Variants in PID1 observed in about 807,000 individuals in gnomAD.
The protein encoded by PID1 is PTB-containing, cubilin and LRP1-interacting protein.
PID1 carries 10 observed loss-of-function variants against 19.1 expected under a neutral mutation model. The ratio of observed to expected loss-of-function variants is 0.52; its 90% CI spans 0.32 to 0.89. The LOEUF (loss-of-function observed/expected upper bound fraction) is 0.89. Among genes scored for constraint, PID1 ranks in the 40% least tolerant of loss-of-function variants. PID1 has a pLI of 0.03. For missense variants in PID1, 248 were observed against 285.3 expected, an observed-to-expected ratio of 0.87 and a Z score of 0.94; for synonymous variants, 130 against 116.0, an observed-to-expected ratio of 1.12 and a Z score of -0.78.
intron 2 of PID1, among the ~76,000 whole-genome samples, chr2:229,094,287 AG>A (rs763287769): frequency 6.6e-5 from 10 of 152,168 alleles, no homozygotes; most frequent in Non-Finnish European, 1.2e-4. Context: ...AAGAAATCAG[AG>A]GTGACACAAA....
intron 1 of PID1, among the ~76,000 whole-genome samples, chr2:229,170,081 A>G (rs151193770): frequency 6.6e-6 from 1 of 152,294 alleles, no homozygotes; most frequent in Non-Finnish European, 1.5e-5. Flanking sequence ...GAACTATGAA[A>G]CGGAAACCTT....
At chr2:229,092,053 A>ACC (rs1553561607) in intron 2 of PID1, among the ~76,000 whole-genome samples, 1 of 145,302 alleles carries the variant, frequency 6.9e-6, no homozygotes, top group South Asian at 2.1e-4. Context: ...AGTTAATGCC[A>ACC]ATCGTCCTGG....
At chr2:229,149,710 C>T (rs1014205225) in intron 2 of PID1, among the ~76,000 whole-genome samples, 6 of 152,104 alleles carry the variant, frequency 3.9e-5, no homozygotes, top group Non-Finnish European at 8.8e-5. Flanking sequence ...GGAAGATGAC[C>T]GTAGCGGCTT....
In PID1 at chr2:229,271,229, C is replaced by G. The variant is rs908277400; in HGVS notation, c.-186G>C. On this transcript the variant is annotated 5_prime_UTR_variant, in exon 1 of 3. Transcript: ENST00000392055. ...AGGAGGAGGCGCGGCGCTCAGCTGC[C>G]GGCAACTTGTGGGCACGGCCGCGCG... is the stretch of plus-strand genomic sequence containing the variant. 9.1e-5 allele frequency: 49 copies of G among 536,366 alleles called. No homozygotes were observed. The African/African-American group carries it at 9.5e-4, about 10-fold the overall frequency. 33.2% of individuals were successfully genotyped at this position (536,366 alleles called of 1,614,324 possible). A position where few individuals can be genotyped will look rare whatever the true frequency, so the allele number is the denominator to read the frequency against.
chr2:229,089,335 T>G (rs1335363156), intron 2 of PID1, among the ~76,000 whole-genome samples: 1 of 152,334 alleles, frequency 6.6e-6, no homozygotes, highest in East Asian at 1.9e-4. Flanking sequence ...GTATATTCTG[T>G]TCCTCAGAGC....
At chr2:229,270,270 A>G (rs1467874056) in intron 1 of PID1, among the ~76,000 whole-genome samples, 1 of 152,212 alleles carries the variant, frequency 6.6e-6, no homozygotes, top group Non-Finnish European at 1.5e-5. Context: ...CCTTGCAACC[A>G]GGGCAATCCC....
chr2:229,047,629 G>C (rs573931777), intron 2 of PID1, among the ~76,000 whole-genome samples: 4 of 152,248 alleles, frequency 2.6e-5, no homozygotes, highest in African/African-American at 7.2e-5. Context: ...TGTTTTATAT[G>C]CCTAATGTAT....
At chr2:229,161,458 A>C (rs2106200815) in intron 1 of PID1, among the ~76,000 whole-genome samples, 1 of 152,356 alleles carries the variant, frequency 6.6e-6, no homozygotes, top group South Asian at 2.1e-4. Flanking sequence ...CTTGCAACTA[A>C]GAGAATCTTG....
chr2:229,085,223 T>TAAA (rs200081184), intron 2 of PID1, among the ~76,000 whole-genome samples: 19 of 126,552 alleles, frequency 1.5e-4, no homozygotes, highest in African/African-American at 5.2e-4. Flanking sequence ...CATATACTTG[T>TAAA]AAAAAAAAAA....
intron 2 of PID1, among the ~76,000 whole-genome samples, chr2:229,083,121 A>G (rs952890826): frequency 1.3e-5 from 2 of 152,224 alleles, no homozygotes; most frequent in Non-Finnish European, 2.9e-5. Context: ...AAGGCACCCA[A>G]GAGATTGTAG....
At chr2:229,270,788 A>G (rs1305955291) in intron 1 of PID1, among the ~76,000 whole-genome samples, 1 of 152,154 alleles carries the variant, frequency 6.6e-6, no homozygotes, top group African/African-American at 2.4e-5. Context: ...AGCACCTCCA[A>G]GCCAAAAGTT....
chr2:229,111,207 CT>C (rs1559237696), intron 2 of PID1, among the ~76,000 whole-genome samples: 1 of 152,088 alleles, frequency 6.6e-6, no homozygotes, highest in Non-Finnish European at 1.5e-5. Context: ...TCGAGTATGT[CT>C]TTATTAGCAG....
intron 2 of PID1, among the ~76,000 whole-genome samples, chr2:229,152,919 T>C (rs1441106976): frequency 1.3e-5 from 2 of 152,130 alleles, no homozygotes; most frequent in African/African-American, 2.4e-5. Flanking sequence ...GAGTGACTAC[T>C]GTGTGAAGGC....
intron 2 of PID1, among the ~76,000 whole-genome samples, chr2:229,100,013 G>C (rs1313192940): frequency 6.6e-6 from 1 of 152,104 alleles, no homozygotes; most frequent in Non-Finnish European, 1.5e-5. Context: ...GGGGACAAGT[G>C]CCCTTATAAG....
At chr2:229,075,976 C>T (rs1323263592) in intron 2 of PID1, among the ~76,000 whole-genome samples, 4 of 152,108 alleles carry the variant, frequency 2.6e-5, no homozygotes, top group Non-Finnish European at 5.9e-5. Flanking sequence ...CTTTCCTTTC[C>T]CTGATTCACT....
intron 2 of PID1, among the ~76,000 whole-genome samples, chr2:229,034,027 T>C (rs759173574): frequency 6.6e-6 from 1 of 152,200 alleles, no homozygotes; most frequent in African/African-American, 2.4e-5. Flanking sequence ...AGAGTGGAGA[T>C]GGATCTGCAT....
In PID1 at chr2:229,134,231, G is replaced by GTTTTTTTTTTTTTTTTTT. The variant is rs60513006; in HGVS notation, c.177+21569_177+21586dup. 7.1e-4 allele frequency among the ~76,000 whole-genome samples: 77 copies of GTTTTTTTTTTTTTTTTTT among 109,198 alleles called. 4 individuals are homozygous for GTTTTTTTTTTTTTTTTTT. The highest frequency in any genetic ancestry group is 2.4e-3 in the African/African-American group (66 of 27,864). The allele number at this position is 109,198 out of a possible 152,430, so 71.6% of individuals were successfully genotyped here. On this transcript the variant is annotated intron_variant, in intron 2 of 2. Coordinates refer to ENST00000392055, the MANE Select transcript of PID1 (RefSeq NM_001100818.2). ...TTCAATAACAATGTTTACTACCTGTGTTTTTTTTTTTTTTTTTTTTTGAGA... is the reference window on the plus strand; with the variant it reads ...TTCAATAACAATGTTTACTACCTGTGTTTTTTTTTTTTTTTTTTTTTTTTTTTTTTTTTTTTTTTGAGA...
chr2:229,231,768 T>C (rs934766503), intron 1 of PID1, among the ~76,000 whole-genome samples: 2 of 152,210 alleles, frequency 1.3e-5, no homozygotes, highest in Non-Finnish European at 2.9e-5. Context: ...CATGTTGCCA[T>C]GGATGTGTCT....
At chr2:229,080,175 C>A (rs1574612298) in intron 2 of PID1, among the ~76,000 whole-genome samples, 1 of 152,168 alleles carries the variant, frequency 6.6e-6, no homozygotes, top group Non-Finnish European at 1.5e-5. Context: ...AAAGAATCAA[C>A]AAACAAAAAT....
Sources: gnomAD v4.1 joint callset for allele counts (sites outside exome capture counted in the v4.1 genomes callset) on GRCh38, gnomAD v4.1.1 for gene constraint, MANE v1.5 for transcripts, NCBI Gene and HGNC (gene_info 2026-07-23, HGNC 2026-07-21) for gene names.